The following POU6F2 variants were observed in gnomAD, a reference collection of about 807,000 sequenced individuals.
POU6F2 encodes POU domain, class 6, transcription factor 2.
In POU6F2, 31 loss-of-function variants were observed where a neutral mutation model predicts 71.3. That is an observed-to-expected ratio of 0.43 (90% confidence interval 0.33 to 0.59). The LOEUF (loss-of-function observed/expected upper bound fraction) is 0.59. POU6F2 is among the 20% of genes least tolerant of loss of function. The pLI is 0.04. For missense variants in POU6F2, 783 were observed against 856.8 expected (o/e 0.91, Z 1.07); for synonymous variants, 347 against 355.7 (o/e 0.98, Z 0.27).
rs1794373323 is a variant in POU6F2 at position 39,222,025 on chromosome 7, T to C, written c.598+14405T>C. On this transcript the variant is annotated intron_variant, in intron 4 of 9. Coordinates refer to ENST00000518318, the MANE Select transcript of POU6F2 (RefSeq NM_001370959.1). Reference sequence around the variant, plus strand: ...GTCTTAACTCATTTGCAATCTCTGTTAGTTACTTATTTTCACCACCAAAAG... The same window carrying C: ...GTCTTAACTCATTTGCAATCTCTGTCAGTTACTTATTTTCACCACCAAAAG... 2.6e-5 allele frequency among the ~76,000 whole-genome samples: 4 copies of C among 152,360 alleles called. No individual in the cohort carries two copies. The South Asian group carries it at 8.3e-4, about 32-fold the overall frequency.
chr7:39,247,285 A>C (rs1783838091), intron 4 of POU6F2, among the ~76,000 whole-genome samples: 1 of 152,030 alleles, frequency 6.6e-6, no homozygotes, highest in African/African-American at 2.4e-5. Flanking sequence ...ACTGGTCAAC[A>C]TGGCAAAACC....
chr7:39,434,292 C>CA (rs1343057521), intron 7 of POU6F2, among the ~76,000 whole-genome samples: 1 of 151,936 alleles, frequency 6.6e-6, no homozygotes, highest in Non-Finnish European at 1.5e-5. Flanking sequence ...AGAGAGGAGG[C>CA]AGAGGACATT....
chr7:39,459,083 AGAGGCTGGAACTGTTTCT>A (rs1183154123), intron 8 of POU6F2, among the ~76,000 whole-genome samples: 2 of 152,174 alleles, frequency 1.3e-5, no homozygotes. Context: ...TAAACTCCAT[AGAGGCTGGAACTGTTTCT>A]GAGGCTGGAA....
intron 4 of POU6F2, among the ~76,000 whole-genome samples, chr7:39,310,305 T>C (rs1204132496): frequency 2.0e-5 from 3 of 152,246 alleles, no homozygotes; most frequent in Non-Finnish European, 4.4e-5. Context: ...CAACACGTTA[T>C]ACACACTTAG....
At chr7:39,105,483 T>C (rs1451896741) in intron 2 of POU6F2, among the ~76,000 whole-genome samples, 2 of 152,080 alleles carry the variant, frequency 1.3e-5, no homozygotes, top group African/African-American at 4.8e-5. Context: ...TTCAAGTGTC[T>C]TGAATTCTTG....
chr7:39,306,768 G>C (rs564430016), intron 4 of POU6F2, among the ~76,000 whole-genome samples: 14 of 152,164 alleles, frequency 9.2e-5, no homozygotes, highest in Non-Finnish European at 1.8e-4. Flanking sequence ...ATTTGCATAC[G>C]CTTTCAGCAT....
At chr7:38,982,960 G>A (rs1183499237) in intron 1 of POU6F2, among the ~76,000 whole-genome samples, 1 of 151,930 alleles carries the variant, frequency 6.6e-6, no homozygotes, top group Non-Finnish European at 1.5e-5. Flanking sequence ...CCTTTTCTTT[G>A]CTATGTAAAC....
rs955553134 is a variant in POU6F2, at chr7:39,465,698, C to T, written c.*1012C>T. 5 of 152,190 alleles carry T rather than the reference C, an allele frequency of 3.3e-5. No homozygotes were observed. The highest frequency in any genetic ancestry group is 1.2e-4 in the African/African-American group (5 of 41,444). 9.4% of individuals were successfully genotyped at this position (152,190 alleles called of 1,614,324 possible). A position where few individuals can be genotyped will look rare whatever the true frequency, so the allele number is the denominator to read the frequency against. On this transcript the variant is annotated 3_prime_UTR_variant, in exon 10 of 10. Transcript: ENST00000518318. ...ACTCCAAAATAACTAGGGCTTTGCT[C>T]GATGAACTGTCAACACTGGCATAAG...
At chr7:39,173,694 C>T (rs1225860678) in intron 2 of POU6F2, among the ~76,000 whole-genome samples, 1 of 152,198 alleles carries the variant, frequency 6.6e-6, no homozygotes, top group African/African-American at 2.4e-5. Flanking sequence ...AATCACGTAC[C>T]TCTTTGTAAT....
chr7:39,043,647 C>A (rs1013906086), intron 1 of POU6F2, among the ~76,000 whole-genome samples: 2 of 151,950 alleles, frequency 1.3e-5, no homozygotes, highest in African/African-American at 2.4e-5. Context: ...CAGTAAAGAA[C>A]ATGTAATGCC....
At chr7:38,997,273 T>G (rs754263909) in intron 1 of POU6F2, among the ~76,000 whole-genome samples, 2 of 152,212 alleles carry the variant, frequency 1.3e-5, no homozygotes, top group Non-Finnish European at 2.9e-5. Context: ...TGTCTTTTCC[T>G]GGTTTGTTTT....
intron 2 of POU6F2, among the ~76,000 whole-genome samples, chr7:39,106,526 A>T (rs1791691228): frequency 6.6e-6 from 1 of 152,326 alleles, no homozygotes; most frequent in Non-Finnish European, 1.5e-5. Flanking sequence ...CTATGCAGAC[A>T]TATTTTGTAG....
At chr7:39,393,114 C>T (rs758520281) in intron 5 of POU6F2, among the ~76,000 whole-genome samples, 14 of 152,288 alleles carry the variant, frequency 9.2e-5, no homozygotes, top group East Asian at 3.9e-4. Flanking sequence ...TCTTGGCTTA[C>T]GGCTTCTACA....
chr7:39,379,121 C>T (rs554956323), intron 5 of POU6F2, among the ~76,000 whole-genome samples: 1 of 152,140 alleles, frequency 6.6e-6, no homozygotes, highest in South Asian at 2.1e-4. Flanking sequence ...ACTCAGGAAT[C>T]GGGTAGGAGG....
chr7:39,452,361 C>G (rs539316095), intron 8 of POU6F2, among the ~76,000 whole-genome samples: 1 of 152,296 alleles, frequency 6.6e-6, no homozygotes, highest in East Asian at 1.9e-4. Context: ...ATATTTATCA[C>G]ATGCAAATAA....
At chr7:39,156,981 T>G (rs1792883332) in intron 2 of POU6F2, among the ~76,000 whole-genome samples, 1 of 152,220 alleles carries the variant, frequency 6.6e-6, no homozygotes, top group African/African-American at 2.4e-5. Flanking sequence ...TTTTCTTTTG[T>G]TTCTACTGCA....
intron 1 of POU6F2, among the ~76,000 whole-genome samples, chr7:39,041,529 G>C (rs755219799): frequency 6.6e-6 from 1 of 151,852 alleles, no homozygotes; most frequent in East Asian, 1.9e-4. Flanking sequence ...TAGGCAAAAT[G>C]ATAAGTATAC....
chr7:39,278,300 C>T (rs375712562), intron 4 of POU6F2, among the ~76,000 whole-genome samples: 21 of 152,226 alleles, frequency 1.4e-4, no homozygotes, highest in African/African-American at 3.1e-4. Flanking sequence ...TTCCATAGAT[C>T]CAGGCCCAGG....
chr7:39,051,545 CAT>C (rs2128713992), intron 1 of POU6F2, among the ~76,000 whole-genome samples: 1 of 152,196 alleles, frequency 6.6e-6, no homozygotes, highest in Non-Finnish European at 1.5e-5. Context: ...TCTACAGAAA[CAT>C]TAATCTTGAG....
Sources: gnomAD v4.1 joint callset for allele counts (sites outside exome capture counted in the v4.1 genomes callset) on GRCh38, gnomAD v4.1.1 for gene constraint, MANE v1.5 for transcripts, NCBI Gene and HGNC (gene_info 2026-07-23, HGNC 2026-07-21) for gene names.